The following SNTG1 variants were observed in gnomAD, a reference collection of about 807,000 sequenced individuals.
The protein encoded by SNTG1 is syntrophin gamma 1.
SNTG1 carries 39 observed loss-of-function variants against 74.7 expected under a neutral mutation model. The ratio of observed to expected loss-of-function variants is 0.52; its 90% CI spans 0.40 to 0.68. SNTG1 has a LOEUF of 0.68. Among genes scored for constraint, SNTG1 ranks in the 30% least tolerant of loss-of-function variants. The pLI, the probability that SNTG1 is intolerant of heterozygous loss-of-function variation, is 0.00. For synonymous variants in SNTG1, 254 were observed against 217.1 expected (o/e 1.17, Z -1.49); for missense variants, 685 against 609.5 (o/e 1.12, Z -1.30).
intron 2 of SNTG1, among the ~76,000 whole-genome samples, chr8:50,196,934 A>C (rs1376213532): frequency 6.6e-6 from 1 of 152,136 alleles, no homozygotes; most frequent in Admixed American, 6.6e-5. Context: ...GTGAGCTGAG[A>C]TCATGCCACG....
chr8:50,614,118 T>C (rs2094870393), intron 13 of SNTG1, among the ~76,000 whole-genome samples: 1 of 152,120 alleles, frequency 6.6e-6, no homozygotes, highest in Non-Finnish European at 1.5e-5. Context: ...TTAATCAACA[T>C]TTATTTAGAT....
At chr8:50,756,658 T>C (rs1390655156) in intron 18 of SNTG1, among the ~76,000 whole-genome samples, 1 of 151,844 alleles carries the variant, frequency 6.6e-6, no homozygotes, top group Non-Finnish European at 1.5e-5. Flanking sequence ...TCATGCTGTC[T>C]TGATGACTGT....
chr8:50,724,351 C>T (rs1212005482), intron 17 of SNTG1, among the ~76,000 whole-genome samples: 1 of 152,060 alleles, frequency 6.6e-6, no homozygotes, highest in African/African-American at 2.4e-5. Flanking sequence ...ATCTGAGTTC[C>T]GTATAGTTTT....
chr8:50,517,483 G>T lies in SNTG1; in HGVS notation c.467-12694G>T, dbSNP rs572512905. Among the ~76,000 whole-genome samples, 5 of 152,088 alleles carry T rather than the reference G, an allele frequency of 3.3e-5. No individual in the cohort carries two copies. The East Asian group carries it at 9.7e-4, about 29-fold the overall frequency. On this transcript the variant is annotated intron_variant, in intron 9 of 18. Coordinates refer to ENST00000642720, the MANE Select transcript of SNTG1 (RefSeq NM_018967.5). ...AATGGGCTAAATGCCCCAATTAAAA[G>T]ATACAGACTAGCAAATTGGATAAAG...
At position 50,766,050 on chromosome 8, in the gene SNTG1, T is replaced by C. The variant is rs545141721; in HGVS notation, c.1395+13939T>C. ...ATACCTGTAAACTGCTGCTAAATTA[T>C]GAGTTGCAGTGGATTCTATTGAAGG... On this transcript the variant is annotated intron_variant, in intron 18 of 18. Transcript: ENST00000642720. 1.1e-3 allele frequency among the ~76,000 whole-genome samples: 167 copies of C among 152,094 alleles called. 1 individual carries two copies. Among genetic ancestry groups the C allele is most frequent in the Non-Finnish European group, 2.0e-3 (137 of 67,952 alleles).
intron 18 of SNTG1, among the ~76,000 whole-genome samples, chr8:50,776,031 G>GTTTT (rs1293090345): frequency 4.6e-5 from 7 of 151,392 alleles, no homozygotes; most frequent in Admixed American, 4.6e-4. Context: ...TTTGGGTCAT[G>GTTTT]TTTTTTAATC....
Position 50,685,274 on chromosome 8 carries a change from T to C in SNTG1, c.1039-19326T>C, listed in dbSNP as rs140840477. 3.0e-3 allele frequency among the ~76,000 whole-genome samples: 457 copies of C among 152,292 alleles called. 1 individual carries two copies. Among genetic ancestry groups the C allele is most frequent in the Non-Finnish European group, 5.6e-3 (378 of 68,012 alleles). ...ATTTGTTTCTGAATGAGGTAAATGC[T>C]AGTGACATGAGAGACGCTGCTAGAA... On this transcript the variant is annotated intron_variant, in intron 15 of 18. Coordinates refer to ENST00000642720, the MANE Select transcript of SNTG1 (RefSeq NM_018967.5).
At chr8:50,111,413 T>TTC (rs56179974) in intron 1 of SNTG1, among the ~76,000 whole-genome samples, 35,543 of 151,172 alleles carry the variant, frequency 0.24, 4,203 homozygotes, top group South Asian at 0.36. Context: ...CTCTGTCTCT[T>TTC]TCTCTCTCTC....
At chr8:49,944,279 T>C (rs1808957303) in intron 1 of SNTG1, among the ~76,000 whole-genome samples, 1 of 152,104 alleles carries the variant, frequency 6.6e-6, no homozygotes, top group Admixed American at 6.6e-5. Flanking sequence ...CTCTGTAGGC[T>C]GTAGGGTGTG....
At chr8:50,664,560 C>T (rs2095241346) in intron 15 of SNTG1, among the ~76,000 whole-genome samples, 1 of 151,956 alleles carries the variant, frequency 6.6e-6, no homozygotes, top group South Asian at 2.1e-4. Context: ...TTTTGTAAAC[C>T]AGTGTCTATG....
intron 4 of SNTG1, among the ~76,000 whole-genome samples, chr8:50,421,997 C>T (rs1346207315): frequency 6.6e-6 from 1 of 152,200 alleles, no homozygotes; most frequent in East Asian, 1.9e-4. Context: ...CAGACCAAGC[C>T]TCTATAGAGT....
chr8:50,568,010 C>G (rs1375112159), intron 12 of SNTG1, among the ~76,000 whole-genome samples: 1 of 152,026 alleles, frequency 6.6e-6, no homozygotes, highest in East Asian at 1.9e-4. Flanking sequence ...TTCTCTTTCC[C>G]TTCCCCAGGT....
chr8:50,694,035 T>G (rs2095393979), intron 15 of SNTG1, among the ~76,000 whole-genome samples: 1 of 151,910 alleles, frequency 6.6e-6, no homozygotes, highest in African/African-American at 2.4e-5. Context: ...CAACCTAATG[T>G]TACACCTCAA....
intron 4 of SNTG1, among the ~76,000 whole-genome samples, chr8:50,421,046 C>CGGGG (rs1172604268): frequency 1.1e-3 from 3 of 2,654 alleles, no homozygotes; most frequent in African/African-American, 3.3e-3. Flanking sequence ...AGGCGGTGGG[C>CGGGG]GGGGGAGGGG....
chr8:50,781,995 T>C (rs1322910455), intron 18 of SNTG1, among the ~76,000 whole-genome samples: 1 of 152,200 alleles, frequency 6.6e-6, no homozygotes, highest in East Asian at 1.9e-4. Flanking sequence ...AAATTCTGGG[T>C]TGAACATTCT....
chr8:50,279,771 C>T (rs2088330755), intron 2 of SNTG1, among the ~76,000 whole-genome samples: 1 of 152,152 alleles, frequency 6.6e-6, no homozygotes, highest in East Asian at 1.9e-4. Context: ...TAAGTACCAT[C>T]CCTTGCTGAA....
At chr8:50,598,257 T>C (rs1208028033) in intron 13 of SNTG1, among the ~76,000 whole-genome samples, 1 of 151,960 alleles carries the variant, frequency 6.6e-6, no homozygotes, top group African/African-American at 2.4e-5. Context: ...ACATTTTGAT[T>C]TGATTTTTGT....
intron 1 of SNTG1, among the ~76,000 whole-genome samples, chr8:49,925,461 T>G (rs908974482): frequency 3.9e-5 from 6 of 152,162 alleles, no homozygotes; most frequent in African/African-American, 1.4e-4. Context: ...TGTCTGTCTG[T>G]CTGTCTGTCT....
chr8:50,619,648 A>G (rs962671264), intron 13 of SNTG1, among the ~76,000 whole-genome samples: 9 of 150,850 alleles, frequency 6.0e-5, no homozygotes, highest in Admixed American at 6.6e-5. Flanking sequence ...GGAGAATGGC[A>G]TGAACCCGGG....
Sources: allele counts gnomAD v4.1 joint callset (sites outside exome capture counted in the v4.1 genomes callset), GRCh38; gene constraint gnomAD v4.1.1; transcripts MANE v1.5; gene names NCBI Gene and HGNC (gene_info 2026-07-23, HGNC 2026-07-21).